Variants in PDLIM5 observed in about 807,000 individuals in gnomAD.
PDLIM5 encodes the protein PDZ and LIM domain protein 5.
In PDLIM5, 34 loss-of-function variants were observed where a neutral mutation model predicts 64.2. That is an observed-to-expected ratio of 0.53 (90% CI 0.40 to 0.71). The LOEUF is 0.71. PDLIM5 is among the 30% of genes least tolerant of loss of function. The pLI is 0.00. For missense variants in PDLIM5, 683 were observed against 733.6 expected (o/e 0.93, Z 0.80); for synonymous variants, 253 against 269.1 (o/e 0.94, Z 0.59).
chr4:94,559,878 T>G (rs1358284502), intron 3 of PDLIM5, among the ~76,000 whole-genome samples: 1 of 152,226 alleles, frequency 6.6e-6, no homozygotes, highest in Non-Finnish European at 1.5e-5. Flanking sequence ...TTTTTGGCAT[T>G]GGCTATTTGT....
At chr4:94,455,818 G>A in intron 2 of PDLIM5, 2 of 1,492,242 alleles carry the variant, frequency 1.3e-6, no homozygotes, top group East Asian at 2.5e-5. Context: ...TATTTCCTCA[G>A]CTCACTTTCT....
intron 7 of PDLIM5, chr4:94,610,312 T>A (rs1283449610): frequency 4.0e-6 from 6 of 1,500,180 alleles, no homozygotes; most frequent in African/African-American, 1.4e-5. Flanking sequence ...CAGGTAGAAC[T>A]ACACGTACAG....
intron 7 of PDLIM5, among the ~76,000 whole-genome samples, chr4:94,592,777 C>T (rs989603438): frequency 6.6e-6 from 1 of 152,146 alleles, no homozygotes; most frequent in African/African-American, 2.4e-5. Flanking sequence ...CAGGCACACA[C>T]CACCACACCT....
intron 7 of PDLIM5, among the ~76,000 whole-genome samples, chr4:94,596,777 A>G (rs1217619557): frequency 6.6e-6 from 1 of 152,074 alleles, no homozygotes; most frequent in Non-Finnish European, 1.5e-5. Flanking sequence ...ATTATATTAT[A>G]TAGTATAAAG....
chr4:94,496,226 A>G (rs910899385), intron 2 of PDLIM5, among the ~76,000 whole-genome samples: 1 of 152,200 alleles, frequency 6.6e-6, no homozygotes, highest in Non-Finnish European at 1.5e-5. Context: ...AAATGAATGT[A>G]TTACTTATTT....
chr4:94,556,785 T>A (rs1456025073), intron 3 of PDLIM5, among the ~76,000 whole-genome samples: 2 of 152,232 alleles, frequency 1.3e-5, no homozygotes, highest in Admixed American at 6.5e-5. Flanking sequence ...GTTTGAGTTC[T>A]TTGTAGATTC....
chr4:94,642,315 ATAT>A (rs1741058890), intron 9 of PDLIM5, among the ~76,000 whole-genome samples: 1 of 152,158 alleles, frequency 6.6e-6, no homozygotes, highest in Admixed American at 6.5e-5. Flanking sequence ...AAATTCCATG[ATAT>A]CCTGTAATCA....
chr4:94,508,088 T>C (rs1003535651), intron 2 of PDLIM5, among the ~76,000 whole-genome samples: 2 of 151,642 alleles, frequency 1.3e-5, no homozygotes, highest in Non-Finnish European at 2.9e-5. Context: ...CAGTTTATTT[T>C]ACTCTTAGTT....
In PDLIM5 at chr4:94,657,496, A is replaced by G; in HGVS notation, c.1534A>G (p.Ile512Val). Residue 512 changes from isoleucine (I) to valine (V), a missense_variant, in exon 11 of 13, where the codon ATT (isoleucine) becomes GTT (valine). Physicochemically the swap from Ile to Val is conservative, Grantham distance 29. Coordinates refer to ENST00000317968, the MANE Select transcript of PDLIM5 (RefSeq NM_006457.5). The stretch of plus-strand genomic sequence containing the variant: ...TGTGTGTGTAGCCTGTGGAAAGCCC[A>G]TTCGGAACAATGTTTTTCACTTGGA... ...CFVCVACGKP[I>V]RNNVFHLEDG... The G allele has an allele frequency of 6.2e-7, 1 of 1,610,038 alleles. No individual in the cohort carries two copies. The highest frequency in any genetic ancestry group is 1.3e-5 in the African/African-American group (1 of 74,982).
intron 2 of PDLIM5, among the ~76,000 whole-genome samples, chr4:94,491,032 T>G (rs960689286): frequency 8.5e-5 from 13 of 152,172 alleles, no homozygotes; most frequent in Non-Finnish European, 1.8e-4. Context: ...AAGCAACATA[T>G]CTATTCCCAC....
At chr4:94,577,473 A>T in intron 5 of PDLIM5, 1 of 396,728 alleles carries the variant, frequency 2.5e-6, no homozygotes, top group South Asian at 1.9e-5. Flanking sequence ...TCTGATATAT[A>T]TATATATATA....
At chr4:94,655,657 C>A (rs762169103) in intron 10 of PDLIM5, among the ~76,000 whole-genome samples, 1 of 152,030 alleles carries the variant, frequency 6.6e-6, no homozygotes, top group Non-Finnish European at 1.5e-5. Flanking sequence ...CAAATGATAA[C>A]AAATAATTAA....
chr4:94,660,400 G>GCAAC (rs1742597401), intron 11 of PDLIM5, among the ~76,000 whole-genome samples: 2 of 151,828 alleles, frequency 1.3e-5, no homozygotes, highest in Non-Finnish European at 2.9e-5. Context: ...CTATATTCAC[G>GCAAC]TTTCATTGCA....
intron 2 of PDLIM5, among the ~76,000 whole-genome samples, chr4:94,492,876 T>C (rs1726997336): frequency 6.6e-6 from 1 of 152,222 alleles, no homozygotes; most frequent in African/African-American, 2.4e-5. Context: ...TTATTGCTCT[T>C]AGGTATAGAC....
intron 2 of PDLIM5, among the ~76,000 whole-genome samples, chr4:94,508,725 A>C (rs1728610664): frequency 6.6e-6 from 1 of 152,252 alleles, no homozygotes; most frequent in Non-Finnish European, 1.5e-5. Flanking sequence ...AGCAGACTGT[A>C]AACTTAGATT....
chr4:94,610,347 C>T, intron 7 of PDLIM5: 1 of 1,328,340 alleles, frequency 7.5e-7, no homozygotes, highest in Non-Finnish European at 9.9e-7. Flanking sequence ...GATCTCAGCG[C>T]TCTTCACTGT....
intron 2 of PDLIM5, among the ~76,000 whole-genome samples, chr4:94,520,413 G>A (rs1390837062): frequency 6.6e-6 from 1 of 152,112 alleles, no homozygotes; most frequent in African/African-American, 2.4e-5. Flanking sequence ...GTAAACTACT[G>A]CTTTAAACAA....
intron 2 of PDLIM5, among the ~76,000 whole-genome samples, chr4:94,471,943 T>C (rs1234665259): frequency 6.6e-6 from 1 of 152,188 alleles, no homozygotes; most frequent in Non-Finnish European, 1.5e-5. Context: ...TAAGTATTTG[T>C]ACTTACAAAG....
chr4:94,623,675 G>A (rs576948682), intron 8 of PDLIM5, among the ~76,000 whole-genome samples: 1 of 151,954 alleles, frequency 6.6e-6, no homozygotes, highest in African/African-American at 2.4e-5. Context: ...AAATGTCCCC[G>A]AGAAAGTGAG....
Sources: allele counts gnomAD v4.1 joint callset (sites outside exome capture counted in the v4.1 genomes callset), GRCh38; gene constraint gnomAD v4.1.1; transcripts MANE v1.5; gene names NCBI Gene and HGNC (gene_info 2026-07-23, HGNC 2026-07-21).